Variants in MAOB observed in about 807,000 individuals in gnomAD.
The protein encoded by MAOB is amine oxidase [flavin-containing] B.
MAOB carries 15 observed loss-of-function variants against 41.9 expected under a neutral mutation model. The ratio of observed to expected loss-of-function variants is 0.36; its 90% CI spans 0.24 to 0.55. MAOB has a LOEUF of 0.55. MAOB is among the 20% of genes least tolerant of loss of function. MAOB has a pLI of 0.86. For missense variants in MAOB, 345 were observed against 398.7 expected (o/e 0.87, Z 1.15); for synonymous variants, 167 against 144.2 (o/e 1.16, Z -1.13).
chrX:43,876,035 T>C (rs2035437651), intron 1 of MAOB, among the ~76,000 whole-genome samples: 1 of 111,619 alleles, frequency 9.0e-6, no homozygotes, highest in African/African-American at 3.3e-5. Flanking sequence ...CTCGGCTCAC[T>C]GTAACCTCTG....
At chrX:43,803,191 T>A (rs2034618053) in intron 4 of MAOB, 109 bp downstream of exon 4, 1 of 625,226 alleles carries the variant, frequency 1.6e-6, no homozygotes, top group African/African-American at 2.3e-5. Flanking sequence ...AATCTTTAGT[T>A]ACCATGTGTT....
At chrX:43,844,491 T>G (rs2035177121) in intron 1 of MAOB, 1 of 112,103 alleles carries the variant, frequency 8.9e-6, no homozygotes, top group African/African-American at 3.2e-5. Flanking sequence ...TCAACTTGAC[T>G]GGATGGTGGG....
At chrX:43,780,455 T>C in intron 9 of MAOB, 60 bp from the exon 10 acceptor site, 1 of 866,203 alleles carries the variant, frequency 1.2e-6, no homozygotes. Flanking sequence ...CCTAGCCTCA[T>C]TTTCGTAGCT....
chrX:43,829,634 T>C (rs770808542), intron 3 of MAOB, among the ~76,000 whole-genome samples: 3 of 111,922 alleles, frequency 2.7e-5, no homozygotes, highest in South Asian at 7.5e-4. Flanking sequence ...AAAGTTTCCC[T>C]GCCCTTAGGA....
At chrX:43,852,914 T>C (rs2035261372) in intron 1 of MAOB, among the ~76,000 whole-genome samples, 1 of 111,242 alleles carries the variant, frequency 9.0e-6, no homozygotes, top group Non-Finnish European at 1.9e-5. Context: ...AGAGGCACCA[T>C]GAAGGCAAGG....
intron 5 of MAOB, among the ~76,000 whole-genome samples, chrX:43,800,048 C>G (rs1450674973): frequency 8.9e-6 from 1 of 111,739 alleles, no homozygotes; most frequent in African/African-American, 3.2e-5. Context: ...CTGGGGATTA[C>G]TTCATTTAAA....
At position 43,767,506 on chromosome X, in the gene MAOB, C is replaced by T; in HGVS notation, c.1523G>A (p.Gly508Asp). The change falls in exon 15 of 15, where the codon GGC becomes GAC. Residue 508 changes from glycine to aspartate, a missense_variant. Transcript: ENST00000378069. ...TAGCCCCCTTTTGTGGGCCAGGAAGCCAAGAGCCGTTGCTGAAAAGATGGT... is the reference window on the plus strand; with the variant it reads ...TAGCCCCCTTTTGTGGGCCAGGAAGTCAAGAGCCGTTGCTGAAAAGATGGT... ...LTTIFSATAL[G>D]FLAHKRGLLV... 2.5e-6 allele frequency: 3 copies of T among 1,210,736 alleles called. No individual in the cohort carries two copies. Among genetic ancestry groups the T allele is most frequent in the Non-Finnish European group, 3.4e-6 (3 of 895,127 alleles).
rs188546874 is a variant in MAOB at position 43,777,059 on chromosome X, G to A, written c.1137+1623C>T. ...AGTCTTTGCTATTGTGAATAGTGCC[G>A]CAATAAACATACGTGTGCATATGTC... On this transcript the variant is annotated intron_variant, in intron 11 of 14. Coordinates refer to ENST00000378069, the MANE Select transcript of MAOB (RefSeq NM_000898.5). Among the ~76,000 whole-genome samples the A allele has an allele frequency of 6.3e-3, 693 of 110,052 alleles. 15 individuals are homozygous for A. The highest frequency in any genetic ancestry group is 0.057 in the Admixed American group (583 of 10,292).
chrX:43,769,190 T>C, intron 13 of MAOB, 117 bp downstream of exon 13: 6 of 1,001,300 alleles, frequency 6.0e-6, no homozygotes, highest in Non-Finnish European at 7.7e-6. Context: ...TAGTATTTTA[T>C]GGGTCTTAAG....
intron 3 of MAOB, among the ~76,000 whole-genome samples, chrX:43,837,303 T>A (rs1379843233): frequency 8.9e-6 from 1 of 112,632 alleles, no homozygotes; most frequent in Non-Finnish European, 1.9e-5. Context: ...CATTTCTAAT[T>A]CATGTGTCTC....
intron 8 of MAOB, among the ~76,000 whole-genome samples, chrX:43,792,129 G>T (rs1439176593): frequency 8.9e-6 from 1 of 112,057 alleles, no homozygotes; most frequent in Non-Finnish European, 1.9e-5. Flanking sequence ...TTTGGGGGAG[G>T]ATTAAATAAA....
intron 1 of MAOB, among the ~76,000 whole-genome samples, chrX:43,857,151 AGAGAGAG>A (rs2035301485): frequency 4.8e-5 from 3 of 62,481 alleles, no homozygotes; most frequent in Non-Finnish European, 8.5e-5. Flanking sequence ...AGAGAGAGAG[AGAGAGAG>A]AGAGAGAAGA....
intron 8 of MAOB, among the ~76,000 whole-genome samples, chrX:43,789,069 A>G (rs1451942264): frequency 1.8e-5 from 2 of 111,935 alleles, no homozygotes; most frequent in Non-Finnish European, 3.8e-5. Flanking sequence ...TGTTTCAAAT[A>G]CATCTTATAC....
chrX:43,791,086 A>G (rs1304841806), intron 8 of MAOB, among the ~76,000 whole-genome samples: 1 of 112,043 alleles, frequency 8.9e-6, no homozygotes. Context: ...GACTAAAATG[A>G]CAGGGCTCTT....
chrX:43,866,815 T>C (rs2035368165), intron 1 of MAOB, among the ~76,000 whole-genome samples: 1 of 112,592 alleles, frequency 8.9e-6, no homozygotes, highest in Non-Finnish European at 1.9e-5. Flanking sequence ...GGAACTACAG[T>C]GGTCCACGTG....
rs963194464 is a variant in MAOB, at chrX:43,865,989, G to C, written c.46+16265C>G. ...AAAGGCCAGAGGTTGCAGATTATTC[G>C]AGAACTTCAAAGTGGATCAGTGTAG... On this transcript the variant is annotated intron_variant, in intron 1 of 14. Coordinates refer to ENST00000378069, the MANE Select transcript of MAOB (RefSeq NM_000898.5). 7.2e-5 allele frequency among the ~76,000 whole-genome samples: 8 copies of C among 110,597 alleles called. No individual in the cohort carries two copies. The Admixed American group carries it at 7.7e-4, about 11-fold the overall frequency.
chrX:43,770,631 T>C (rs936489215), intron 12 of MAOB, among the ~76,000 whole-genome samples: 2 of 111,696 alleles, frequency 1.8e-5, no homozygotes, highest in African/African-American at 6.5e-5. Context: ...GTAGCTACTA[T>C]TATCATTATC....
intron 3 of MAOB, among the ~76,000 whole-genome samples, chrX:43,806,034 A>G (rs1216682736): frequency 8.9e-6 from 1 of 112,497 alleles, no homozygotes; most frequent in Non-Finnish European, 1.9e-5. Flanking sequence ...TTGTTTTACA[A>G]AGTAATATTT....
chrX:43,780,310 A>G, intron 10 of MAOB, 32 bp downstream of exon 10: 2 of 1,162,645 alleles, frequency 1.7e-6, no homozygotes, highest in Non-Finnish European at 1.2e-6. Context: ...AAAGGAAGGA[A>G]GAAACGAAAG....
Sources: gnomAD v4.1 joint callset for allele counts (sites outside exome capture counted in the v4.1 genomes callset) on GRCh38, gnomAD v4.1.1 for gene constraint, MANE v1.5 for transcripts, NCBI Gene and HGNC (gene_info 2026-07-23, HGNC 2026-07-21) for gene names.